CSMD1: variants seen among roughly 807,000 people sequenced by gnomAD.
CSMD1 encodes the protein CUB and sushi domain-containing protein 1.
In CSMD1, 213 loss-of-function variants were observed where a neutral mutation model predicts 417.5. The observed-to-expected ratio is 0.51, with a 90% CI of 0.46 to 0.57. The LOEUF (loss-of-function observed/expected upper bound fraction) is 0.57, where lower values mean the gene tolerates loss of function less well. CSMD1 is among the 20% of genes least tolerant of loss of function. The pLI is 0.00. For synonymous variants in CSMD1, 2,862 were observed against 1,736.8 expected, an observed-to-expected ratio of 1.65 and a Z score of -16.11; for missense variants, 6,923 against 4,529.7, an observed-to-expected ratio of 1.53 and a Z score of -15.17.
At chr8:4,003,578 G>C (rs757491404) in intron 4 of CSMD1, among the ~76,000 whole-genome samples, 5 of 151,936 alleles carry the variant, frequency 3.3e-5, no homozygotes, top group Non-Finnish European at 5.9e-5. Flanking sequence ...TATTATGATA[G>C]GCATTCAAAT....
In CSMD1 at chr8:3,087,123, CACTGGT is replaced by C; in HGVS notation, c.7442_7447del (p.Tyr2481_Gln2482del). The stretch of plus-strand genomic sequence containing the variant: ...CTGGCAGAGTGGCGTGAGGGAGTCC[CACTGGT>C]ACATGCCAAGTGGGTTTCGTCTACA... On this transcript the variant is annotated inframe_deletion, in exon 49 of 70. Transcript: ENST00000635120. 1 of 1,613,546 alleles carries C rather than the reference CACTGGT, an allele frequency of 6.2e-7. No individual in the cohort carries two copies. Among genetic ancestry groups the C allele is most frequent in the Non-Finnish European group, 8.5e-7 (1 of 1,179,872 alleles).
intron 1 of CSMD1, among the ~76,000 whole-genome samples, chr8:4,970,207 T>A (rs1451861546): frequency 1.3e-5 from 2 of 152,096 alleles, no homozygotes; most frequent in Non-Finnish European, 2.9e-5. Context: ...ACTCGAATCT[T>A]GTTTCTTACT....
intron 3 of CSMD1, among the ~76,000 whole-genome samples, chr8:4,347,092 C>T (rs1168952044): frequency 6.6e-6 from 1 of 152,198 alleles, no homozygotes; most frequent in African/African-American, 2.4e-5. Flanking sequence ...TTCTTTGACC[C>T]CTCAGAAGTT....
intron 8 of CSMD1, among the ~76,000 whole-genome samples, chr8:3,612,388 G>T (rs1233731916): frequency 6.6e-6 from 1 of 152,066 alleles, no homozygotes; most frequent in East Asian, 1.9e-4. Flanking sequence ...CTCAATCACA[G>T]ATCTGACAAG....
intron 51 of CSMD1, among the ~76,000 whole-genome samples, chr8:3,026,443 G>A (rs1477680464): frequency 2.0e-5 from 3 of 151,110 alleles, no homozygotes; most frequent in African/African-American, 4.9e-5. Flanking sequence ...GGCCTCACTG[G>A]GCCTGACTGG....
chr8:4,073,289 G>C (rs143829839), intron 3 of CSMD1, among the ~76,000 whole-genome samples: 1,608 of 152,272 alleles, frequency 0.011, 13 homozygotes, highest in Non-Finnish European at 0.016. Flanking sequence ...TGAAAGAAGA[G>C]AGTAAAGAAA....
chr8:4,021,837 T>C (rs981344872), intron 4 of CSMD1, among the ~76,000 whole-genome samples: 3 of 152,148 alleles, frequency 2.0e-5, no homozygotes, highest in African/African-American at 4.8e-5. Flanking sequence ...GGGGCTCTAG[T>C]TGGCTCAGAG....
In CSMD1 at chr8:2,974,940, T is replaced by C. The variant is rs566019018; in HGVS notation, c.8567-316A>G. ...ACATTTTTCCATCGACCCTTAACTA[T>C]ATTCCAAATGAACAGTATTATAGGA... On this transcript the variant is annotated intron_variant, in intron 55 of 69. Transcript: ENST00000635120. Among the ~76,000 whole-genome samples, 6 of 152,312 alleles carry C rather than the reference T, an allele frequency of 3.9e-5. No individual in the cohort carries two copies. The South Asian group carries it at 1.2e-3, about 32-fold the overall frequency.
At chr8:4,823,780 A>C (rs1162813590) in intron 1 of CSMD1, among the ~76,000 whole-genome samples, 3 of 152,052 alleles carry the variant, frequency 2.0e-5, no homozygotes, top group South Asian at 2.1e-4. Flanking sequence ...CAGTGTGTGC[A>C]CAAGTGTCTC....
chr8:3,174,066 G>C (rs752259442), intron 37 of CSMD1, among the ~76,000 whole-genome samples: 1 of 152,172 alleles, frequency 6.6e-6, no homozygotes, highest in Admixed American at 6.5e-5. Flanking sequence ...CAAGAATTAA[G>C]GAAGTATTTT....
At chr8:4,028,364 G>C (rs919406624) in intron 4 of CSMD1, among the ~76,000 whole-genome samples, 1 of 152,090 alleles carries the variant, frequency 6.6e-6, no homozygotes, top group Non-Finnish European at 1.5e-5. Flanking sequence ...ATTTGCTAAA[G>C]TAGTGCCTGG....
At chr8:4,386,575 G>C (rs923855646) in intron 3 of CSMD1, among the ~76,000 whole-genome samples, 1 of 152,230 alleles carries the variant, frequency 6.6e-6, no homozygotes, top group Non-Finnish European at 1.5e-5. Flanking sequence ...CTATAAGAGA[G>C]AAAGGCCTGT....
chr8:4,744,961 A>T (rs1023028180), intron 1 of CSMD1, among the ~76,000 whole-genome samples: 4 of 152,202 alleles, frequency 2.6e-5, no homozygotes, highest in Non-Finnish European at 4.4e-5. Context: ...AACTATTTCA[A>T]ATCAGACACA....
At chr8:4,568,512 G>T (rs377043366) in intron 2 of CSMD1, among the ~76,000 whole-genome samples, 1 of 152,014 alleles carries the variant, frequency 6.6e-6, no homozygotes, top group Admixed American at 6.5e-5. Context: ...TCTTTATCCA[G>T]TCTATCATTG....
intron 3 of CSMD1, among the ~76,000 whole-genome samples, chr8:4,351,282 T>C (rs1034303515): frequency 6.6e-6 from 1 of 152,252 alleles, no homozygotes; most frequent in Non-Finnish European, 1.5e-5. Flanking sequence ...GAACGTATCT[T>C]TCCTAACAAG....
At chr8:4,230,096 C>G (rs1801621823) in intron 3 of CSMD1, among the ~76,000 whole-genome samples, 1 of 152,126 alleles carries the variant, frequency 6.6e-6, no homozygotes, top group Non-Finnish European at 1.5e-5. Context: ...AGACTACAAG[C>G]CTTATAAACC....
intron 7 of CSMD1, among the ~76,000 whole-genome samples, chr8:3,642,270 TAATAGTAAATTCACTGTGA>T (rs1388079220): frequency 6.6e-6 from 1 of 152,086 alleles, no homozygotes; most frequent in African/African-American, 2.4e-5. Context: ...AGGACTTGAC[TAATAGTAAATTCACTGTGA>T]AAAAGAGATC....
chr8:4,941,071 A>T (rs887896029), intron 1 of CSMD1, among the ~76,000 whole-genome samples: 3 of 152,354 alleles, frequency 2.0e-5, no homozygotes, highest in Admixed American at 6.5e-5. Context: ...TGACAGATAA[A>T]CCATCTCAAA....
At chr8:4,170,659 G>A (rs553624935) in intron 3 of CSMD1, among the ~76,000 whole-genome samples, 2 of 151,752 alleles carry the variant, frequency 1.3e-5, no homozygotes, top group South Asian at 4.1e-4. Context: ...CTTAAGAGAA[G>A]TAGAATAAGT....
Sources: allele counts gnomAD v4.1 joint callset (sites outside exome capture counted in the v4.1 genomes callset), GRCh38; gene constraint gnomAD v4.1.1; transcripts MANE v1.5; gene names NCBI Gene and HGNC (gene_info 2026-07-23, HGNC 2026-07-21).